Variants in ADGRB3 observed in about 807,000 individuals in gnomAD.
The protein encoded by ADGRB3 is adhesion G protein-coupled receptor B3.
ADGRB3 carries 37 observed loss-of-function variants against 193.4 expected under a neutral mutation model. The ratio of observed to expected loss-of-function variants is 0.19; its 90% confidence interval spans 0.15 to 0.25. The LOEUF (loss-of-function observed/expected upper bound fraction) is 0.25, where lower values mean the gene tolerates loss of function less well. Among genes scored for constraint, ADGRB3 ranks in the 10% least tolerant of loss-of-function variants. The pLI is 1.00. For synonymous variants in ADGRB3, 690 were observed against 644.2 expected (o/e 1.07, Z -1.08); for missense variants, 1,637 against 1,852.9 (o/e 0.88, Z 2.14).
At chr6:69,150,283 G>A (rs1050537175) in intron 17 of ADGRB3, among the ~76,000 whole-genome samples, 19 of 152,074 alleles carry the variant, frequency 1.2e-4, no homozygotes, top group African/African-American at 3.9e-4. Context: ...TACCTGGCAC[G>A]CTATTATACT....
intron 3 of ADGRB3, among the ~76,000 whole-genome samples, chr6:68,800,791 T>A (rs925431558): frequency 5.3e-5 from 8 of 152,174 alleles, no homozygotes; most frequent in Admixed American, 5.2e-4. Context: ...CCGATGAAAT[T>A]GTTATACAAA....
chr6:69,178,101 A>T lies in ADGRB3; in HGVS notation c.2481-55189A>T, dbSNP rs147402572. 6.6e-3 allele frequency among the ~76,000 whole-genome samples: 1,008 copies of T among 152,230 alleles called. 17 individuals are homozygous for T. The highest frequency in any genetic ancestry group is 0.023 in the African/African-American group (953 of 41,556). On this transcript the variant is annotated intron_variant, in intron 17 of 31. Transcript: ENST00000370598. ...CAGGTCTAGAAGTACTTGTTTTATG[A>T]ATCTGGGTGCTCCAATGTGGTATGC...
chr6:69,105,283 AG>A (rs1773175953), intron 17 of ADGRB3, among the ~76,000 whole-genome samples: 1 of 152,106 alleles, frequency 6.6e-6, no homozygotes, highest in Non-Finnish European at 1.5e-5. Flanking sequence ...TAAAATTTCC[AG>A]GGATCTAATG....
intron 3 of ADGRB3, among the ~76,000 whole-genome samples, chr6:68,856,805 C>T (rs1008051655): frequency 1.3e-5 from 2 of 152,196 alleles, no homozygotes; most frequent in Admixed American, 1.3e-4. Context: ...GAAAATGTCT[C>T]CAGGGCATGT....
chr6:69,282,365 CCTA>C lies in ADGRB3; in HGVS notation c.2815-42506_2815-42504del, dbSNP rs1561975899. On this transcript the variant is annotated intron_variant, in intron 20 of 31. Coordinates refer to ENST00000370598, the MANE Select transcript of ADGRB3 (RefSeq NM_001704.3). Reference sequence around the variant, plus strand: ...AAAAAGCAGTACAAAAATGCCCCAACCTATGTATAGCCACCAGTTCATAAAAAT... The same window carrying C: ...AAAAAGCAGTACAAAAATGCCCCAACTGTATAGCCACCAGTTCATAAAAAT... Among the ~76,000 whole-genome samples the C allele has an allele frequency of 3.2e-4, 48 of 152,198 alleles. No individual in the cohort carries two copies. In the East Asian group the frequency reaches 5.8e-3, roughly 18 times the overall value.
chr6:68,716,332 G>A (rs1765488874), intron 3 of ADGRB3, among the ~76,000 whole-genome samples: 3 of 151,612 alleles, frequency 2.0e-5, no homozygotes, highest in Non-Finnish European at 4.4e-5. Context: ...CAATCTAATT[G>A]GAAAGATTGA....
chr6:69,026,098 T>C (rs540313456), intron 13 of ADGRB3, among the ~76,000 whole-genome samples: 2 of 152,336 alleles, frequency 1.3e-5, no homozygotes, highest in South Asian at 4.1e-4. Flanking sequence ...TCCTAGAAGA[T>C]GTCTCAGTGA....
At chr6:68,905,357 T>C (rs1353085967) in intron 3 of ADGRB3, among the ~76,000 whole-genome samples, 1 of 152,186 alleles carries the variant, frequency 6.6e-6, no homozygotes, top group East Asian at 1.9e-4. Flanking sequence ...TCCGAGCCTC[T>C]GGTGTGAAGA....
intron 20 of ADGRB3, among the ~76,000 whole-genome samples, chr6:69,304,555 A>G (rs942331058): frequency 2.6e-5 from 4 of 151,676 alleles, no homozygotes; most frequent in African/African-American, 9.7e-5. Flanking sequence ...TACATTAAGC[A>G]TAAGTAAGTC....
intron 10 of ADGRB3, among the ~76,000 whole-genome samples, chr6:68,976,824 A>G (rs2150266502): frequency 6.6e-6 from 1 of 152,184 alleles, no homozygotes; most frequent in South Asian, 2.1e-4. Context: ...AGTGGACTGC[A>G]CAGTTCAAAC....
Position 68,638,735 on chromosome 6 carries a change from T to C in ADGRB3, c.60T>C (p.Phe20=). 3.1e-6 allele frequency: 5 copies of C among 1,614,152 alleles called. No homozygotes were observed. Among genetic ancestry groups the C allele is most frequent in the Non-Finnish European group, 4.2e-6 (5 of 1,180,026 alleles). Residue 20 remains phenylalanine, a synonymous_variant, in exon 3 of 32, where the codon TTT becomes TTC. Transcript: ENST00000370598. ...TTTCCACCTATCTCCTGGTTATGTT[T>C]GGATTTAATGCTGCCCAAGACTTCT... ...YIFSTYLLVM[F]GFNAAQDFWC...
intron 17 of ADGRB3, among the ~76,000 whole-genome samples, chr6:69,103,994 A>G (rs1209097974): frequency 6.6e-6 from 1 of 151,992 alleles, no homozygotes. Flanking sequence ...TGAAGTTGGA[A>G]TTTTTGTTTG....
At position 69,258,025 on chromosome 6, in the gene ADGRB3, A is replaced by G. The variant is rs1449827251; in HGVS notation, c.2814+18799A>G. On this transcript the variant is annotated intron_variant, in intron 20 of 31. Transcript: ENST00000370598. ...CCAGATATAAAGAGGATCCTTGTTA[A>G]GCTTCCAGACCCCATTTGTCAGGAA... Among the ~76,000 whole-genome samples, 5 of 152,200 alleles carry G rather than the reference A, an allele frequency of 3.3e-5. No homozygotes were observed. In the East Asian group the frequency reaches 9.6e-4, roughly 29 times the overall value.
chr6:69,320,507 T>A, intron 20 of ADGRB3, among the ~76,000 whole-genome samples: 1 of 151,590 alleles, frequency 6.6e-6, no homozygotes, highest in East Asian at 1.9e-4. Context: ...GTCTAGCAAT[T>A]CTTTCAAAGA....
intron 17 of ADGRB3, among the ~76,000 whole-genome samples, chr6:69,146,539 G>A (rs1774499202): frequency 6.6e-6 from 1 of 152,180 alleles, no homozygotes; most frequent in South Asian, 2.1e-4. Flanking sequence ...GCTGCAGCTG[G>A]GTGGCCACAG....
intron 17 of ADGRB3, among the ~76,000 whole-genome samples, chr6:69,094,470 C>A (rs1772807579): frequency 6.6e-6 from 1 of 152,158 alleles, no homozygotes; most frequent in Non-Finnish European, 1.5e-5. Flanking sequence ...TTCAAACAGA[C>A]TAACACACAA....
intron 3 of ADGRB3, among the ~76,000 whole-genome samples, chr6:68,703,470 T>G (rs1765276083): frequency 6.6e-6 from 1 of 152,124 alleles, no homozygotes; most frequent in Non-Finnish European, 1.5e-5. Flanking sequence ...ATTTATACAA[T>G]AATTCTACTC....
intron 3 of ADGRB3, among the ~76,000 whole-genome samples, chr6:68,763,753 T>C (rs1398204651): frequency 6.6e-6 from 1 of 152,192 alleles, no homozygotes; most frequent in Non-Finnish European, 1.5e-5. Flanking sequence ...GAAATTTTCT[T>C]TTTTTATGTA....
intron 17 of ADGRB3, among the ~76,000 whole-genome samples, chr6:69,162,022 G>A (rs1398267815): frequency 2.6e-5 from 4 of 152,082 alleles, no homozygotes; most frequent in African/African-American, 7.2e-5. Flanking sequence ...AATAAATCCA[G>A]ACCACACTCA....
Sources: allele counts gnomAD v4.1 joint callset (sites outside exome capture counted in the v4.1 genomes callset), GRCh38; gene constraint gnomAD v4.1.1; transcripts MANE v1.5; gene names NCBI Gene and HGNC (gene_info 2026-07-23, HGNC 2026-07-21).